The following LINGO2 variants were observed in gnomAD, a reference collection of about 807,000 sequenced individuals.
LINGO2 encodes the protein leucine rich repeat and Ig domain containing 2.
LINGO2 carries 14 observed loss-of-function variants against 30.6 expected under a neutral mutation model. The ratio of observed to expected loss-of-function variants is 0.46; its 90% CI spans 0.30 to 0.72. LINGO2 has a LOEUF of 0.72. Among genes scored for constraint, LINGO2 ranks in the 30% least tolerant of loss-of-function variants. The pLI is 0.07. For synonymous variants in LINGO2, 317 were observed against 288.5 expected (o/e 1.10, Z -1.00); for missense variants, 729 against 751.7 (o/e 0.97, Z 0.35).
chr9:28,525,781 C>T (rs756862256), intron 1 of LINGO2, among the ~76,000 whole-genome samples: 24 of 152,084 alleles, frequency 1.6e-4, no homozygotes, highest in Non-Finnish European at 3.4e-4. Flanking sequence ...AAGGGCCGGG[C>T]GCAGTGGCTC....
the LINGO2 span, among the ~76,000 whole-genome samples, chr9:29,106,818 A>G: frequency 1.4e-4 from 22 of 152,302 alleles, no homozygotes; most frequent in South Asian, 3.3e-3. Context: ...TGAATTTTAG[A>G]AGGATTAAGT....
intron 3 of LINGO2, among the ~76,000 whole-genome samples, chr9:28,296,180 G>C (rs1431580002): frequency 1.3e-5 from 2 of 152,140 alleles, no homozygotes; most frequent in Non-Finnish European, 2.9e-5. Context: ...TATTCATACA[G>C]AGAAAACCTA....
intron 1 of LINGO2, among the ~76,000 whole-genome samples, chr9:28,576,063 T>G (rs867516569): frequency 6.6e-6 from 1 of 152,118 alleles, no homozygotes; most frequent in Non-Finnish European, 1.5e-5. Context: ...TAAGTCAAAA[T>G]AGATTAAATA....
intron 3 of LINGO2, among the ~76,000 whole-genome samples, chr9:28,359,009 G>A (rs1344342133): frequency 6.6e-6 from 1 of 152,166 alleles, no homozygotes; most frequent in African/African-American, 2.4e-5. Context: ...ACACCAGAGA[G>A]ATTGAGGAGA....
chr9:29,212,675 G>C, the LINGO2 span, among the ~76,000 whole-genome samples: 2 of 152,158 alleles, frequency 1.3e-5, no homozygotes, highest in Admixed American at 6.5e-5. Context: ...CCTCCACAGA[G>C]AACCCAGTCC....
chr9:28,585,656 G>A (rs1824497412), intron 1 of LINGO2, among the ~76,000 whole-genome samples: 1 of 152,012 alleles, frequency 6.6e-6, no homozygotes, highest in Non-Finnish European at 1.5e-5. Context: ...CAAGTTAGCT[G>A]TATTAAATGC....
intron 4 of LINGO2, among the ~76,000 whole-genome samples, chr9:28,107,660 G>C (rs1826636200): frequency 6.6e-6 from 1 of 152,066 alleles, no homozygotes; most frequent in Non-Finnish European, 1.5e-5. Context: ...AAGCGTATAA[G>C]GTAAACCTTT....
chr9:28,160,315 C>T (rs1828249537), intron 4 of LINGO2, among the ~76,000 whole-genome samples: 1 of 151,990 alleles, frequency 6.6e-6, no homozygotes, highest in African/African-American at 2.4e-5. Flanking sequence ...GAGATGTCTC[C>T]CTCATTAAAC....
chr9:27,990,755 G>A (rs1821360047), intron 5 of LINGO2, among the ~76,000 whole-genome samples: 2 of 152,118 alleles, frequency 1.3e-5, no homozygotes, highest in East Asian at 1.9e-4. Flanking sequence ...AGTCTATGTG[G>A]TTAACCACTC....
At chr9:28,839,887 C>T in the LINGO2 span, among the ~76,000 whole-genome samples, 2 of 152,158 alleles carry the variant, frequency 1.3e-5, no homozygotes, top group African/African-American at 4.8e-5. Flanking sequence ...GGGGTGCCTG[C>T]AGGCTAGCAC....
At chr9:28,517,745 C>G (rs1037076253) in intron 1 of LINGO2, among the ~76,000 whole-genome samples, 3 of 152,094 alleles carry the variant, frequency 2.0e-5, no homozygotes, top group Non-Finnish European at 4.4e-5. Context: ...TACTTCTCGG[C>G]ACAGGCTTAG....
At chr9:28,575,927 T>TACAC (rs3065641) in intron 1 of LINGO2, among the ~76,000 whole-genome samples, 15,846 of 148,740 alleles carry the variant, frequency 0.11, 852 homozygotes, top group East Asian at 0.18. Context: ...AGCCTTGAAA[T>TACAC]ACACACACAC....
the LINGO2 span, among the ~76,000 whole-genome samples, chr9:29,130,128 A>C: frequency 1.1e-4 from 16 of 152,152 alleles, no homozygotes; most frequent in African/African-American, 3.6e-4. Flanking sequence ...GTGTGTGAAC[A>C]TGTTGGCTAA....
intron 1 of LINGO2, among the ~76,000 whole-genome samples, chr9:28,654,248 T>C (rs999278754): frequency 6.6e-5 from 10 of 152,120 alleles, no homozygotes; most frequent in African/African-American, 2.4e-4. Flanking sequence ...TATGCAAAAA[T>C]GCATGGGTCA....
chr9:29,154,555 T>C, the LINGO2 span, among the ~76,000 whole-genome samples: 1 of 151,824 alleles, frequency 6.6e-6, no homozygotes, highest in Non-Finnish European at 1.5e-5. Context: ...ATACTAAAAG[T>C]AGGATGCCAT....
At chr9:28,138,880 G>A (rs1475924307) in intron 4 of LINGO2, among the ~76,000 whole-genome samples, 1 of 152,176 alleles carries the variant, frequency 6.6e-6, no homozygotes, top group Non-Finnish European at 1.5e-5. Context: ...GGACAAAGAA[G>A]GAGAGAGAAG....
intron 1 of LINGO2, among the ~76,000 whole-genome samples, chr9:28,529,330 C>T (rs967555023): frequency 2.0e-5 from 3 of 152,128 alleles, no homozygotes; most frequent in African/African-American, 7.2e-5. Context: ...GATTACTTAA[C>T]TATTTAAGGC....
At chr9:29,110,490 G>A in the LINGO2 span, among the ~76,000 whole-genome samples, 1 of 151,310 alleles carries the variant, frequency 6.6e-6, no homozygotes, top group Non-Finnish European at 1.5e-5. Flanking sequence ...CCGCCGCCAC[G>A]CCCGGCTAAT....
chr9:28,331,702 C>T (rs1030539158), intron 3 of LINGO2, among the ~76,000 whole-genome samples: 1 of 152,070 alleles, frequency 6.6e-6, no homozygotes. Flanking sequence ...GACAGAGTTT[C>T]ACCATGTTGC....
Sources: gnomAD v4.1 joint callset for allele counts (sites outside exome capture counted in the v4.1 genomes callset) on GRCh38, gnomAD v4.1.1 for gene constraint, MANE v1.5 for transcripts, NCBI Gene and HGNC (gene_info 2026-07-23, HGNC 2026-07-21) for gene names.